The following LRRC20 variants were observed in gnomAD, a reference collection of about 807,000 sequenced individuals.
LRRC20 encodes leucine rich repeat containing 20.
In LRRC20, 11 loss-of-function variants were observed where a neutral mutation model predicts 14.4. That is an observed-to-expected ratio of 0.77 (90% CI 0.48 to 1.27). The LOEUF is 1.27. LRRC20 is among the 50% of genes most tolerant of loss of function. The probability of loss-of-function intolerance (pLI) is 0.00; values close to 1 mark genes in which losing one functional copy is unlikely to be tolerated. For missense variants in LRRC20, 219 were observed against 251.2 expected (o/e 0.87, Z 0.87); for synonymous variants, 121 against 107.3 (o/e 1.13, Z -0.79).
chr10:70,359,634 T>C (rs1843648347), intron 2 of LRRC20, among the ~76,000 whole-genome samples: 1 of 152,254 alleles, frequency 6.6e-6, no homozygotes, highest in Middle Eastern at 3.2e-3. Flanking sequence ...CCTCCCTTTC[T>C]AGATATCCCT....
rs776057005 is a variant in LRRC20 at position 70,323,858 on chromosome 10, C to T, written c.400+5G>A. 6.2e-7 allele frequency: 1 copy of T among 1,614,052 alleles called. No homozygotes were observed. The highest frequency in any genetic ancestry group is 8.5e-7 in the Non-Finnish European group (1 of 1,179,976). The stretch of plus-strand genomic sequence containing the variant: ...CCCAGGGCCAGGTGGGCCAGGCCCA[C>T]TCACCTACGATCTCGTTCTCCTCCA... On this transcript the variant is annotated splice_donor_5th_base_variant and intron_variant, in intron 4 of 4. Transcript: ENST00000446961.
intron 3 of LRRC20, among the ~76,000 whole-genome samples, chr10:70,338,191 A>G (rs1842780258): frequency 6.6e-6 from 1 of 152,160 alleles, no homozygotes; most frequent in Admixed American, 6.5e-5. Flanking sequence ...TATGTAGACT[A>G]ATCCCTCCTC....
At position 70,367,328 on chromosome 10, in the gene LRRC20, C is replaced by CAAAAA. The variant is rs71472959; in HGVS notation, c.82+9119_82+9123dup. On this transcript the variant is annotated intron_variant, in intron 2 of 4. Transcript: ENST00000446961. ...TGGGCAAAAGAGTGAGACCCGGTCTCAAAAAAAAAAAAAAAGAAAGAAAAG... is the reference window on the plus strand; with the variant it reads ...TGGGCAAAAGAGTGAGACCCGGTCTCAAAAAAAAAAAAAAAAAAAAGAAAGAAAAG... Among the ~76,000 whole-genome samples the CAAAAA allele has an allele frequency of 3.9e-3, 461 of 117,088 alleles. 8 individuals carry two copies. The highest frequency in any genetic ancestry group is 7.3e-3 in the African/African-American group (226 of 30,958). 76.8% of individuals were successfully genotyped at this position (117,088 alleles called of 152,430 possible). A position where few individuals can be genotyped will look rare whatever the true frequency, so the allele number is the denominator to read the frequency against.
At chr10:70,361,487 G>T (rs994419686) in intron 2 of LRRC20, among the ~76,000 whole-genome samples, 1 of 152,228 alleles carries the variant, frequency 6.6e-6, no homozygotes, top group Non-Finnish European at 1.5e-5. Flanking sequence ...CCTCACTAGG[G>T]TGATCAGGAA....
intron 1 of LRRC20, among the ~76,000 whole-genome samples, chr10:70,378,265 C>T (rs1452499493): frequency 1.3e-5 from 2 of 152,138 alleles, no homozygotes; most frequent in Non-Finnish European, 2.9e-5. Flanking sequence ...CCTCTTATTG[C>T]CTCAGTGTTC....
At chr10:70,362,832 A>C (rs1401604861) in intron 2 of LRRC20, among the ~76,000 whole-genome samples, 1 of 152,234 alleles carries the variant, frequency 6.6e-6, no homozygotes, top group East Asian at 1.9e-4. Flanking sequence ...TAGTGTTATC[A>C]ACTGAATGTA....
intron 4 of LRRC20, among the ~76,000 whole-genome samples, chr10:70,313,880 C>G (rs1376994318): frequency 6.6e-6 from 1 of 152,172 alleles, no homozygotes; most frequent in Non-Finnish European, 1.5e-5. Flanking sequence ...CTGGCACCAC[C>G]TGGACCGGTA....
chr10:70,344,118 G>A (rs761423598), intron 2 of LRRC20, among the ~76,000 whole-genome samples: 20 of 151,972 alleles, frequency 1.3e-4, no homozygotes, highest in Non-Finnish European at 1.9e-4. Context: ...GAAGAAGATC[G>A]CTTGAACCCA....
chr10:70,322,879 G>A (rs889380842), intron 4 of LRRC20, among the ~76,000 whole-genome samples: 14 of 151,952 alleles, frequency 9.2e-5, no homozygotes, highest in African/African-American at 3.4e-4. Context: ...AGTCCTGCCT[G>A]TGGCACCGCT....
At chr10:70,380,257 C>A (rs1844656370) in intron 1 of LRRC20, among the ~76,000 whole-genome samples, 1 of 152,174 alleles carries the variant, frequency 6.6e-6, no homozygotes, top group Non-Finnish European at 1.5e-5. Context: ...GGAAGAAGGG[C>A]CCCTTCCTTC....
intron 3 of LRRC20, among the ~76,000 whole-genome samples, chr10:70,329,695 G>A (rs1243214083): frequency 1.3e-5 from 2 of 151,802 alleles, no homozygotes; most frequent in African/African-American, 2.4e-5. Flanking sequence ...CCGAGTAGCT[G>A]GGATTACAGG....
chr10:70,314,379 A>G (rs1841782427), intron 4 of LRRC20, among the ~76,000 whole-genome samples: 1 of 152,210 alleles, frequency 6.6e-6, no homozygotes, highest in South Asian at 2.1e-4. Context: ...ACTATCCTTG[A>G]AAAATTCTAA....
intron 3 of LRRC20, among the ~76,000 whole-genome samples, chr10:70,339,947 C>A (rs182454687): frequency 2.0e-5 from 3 of 151,914 alleles, no homozygotes; most frequent in African/African-American, 7.2e-5. Flanking sequence ...ATGGTAAAAC[C>A]CCACCTCTAT....
intron 4 of LRRC20, among the ~76,000 whole-genome samples, chr10:70,320,008 C>G (rs892291949): frequency 2.6e-5 from 4 of 152,088 alleles, no homozygotes; most frequent in African/African-American, 9.7e-5. Context: ...TTCACCTGAA[C>G]CGGGCCCAGA....
At chr10:70,347,717 G>A (rs930706384) in intron 2 of LRRC20, among the ~76,000 whole-genome samples, 11 of 151,772 alleles carry the variant, frequency 7.2e-5, no homozygotes, top group African/African-American at 2.2e-4. Flanking sequence ...TACTTGGGGG[G>A]CTGAGGTGGG....
intron 2 of LRRC20, among the ~76,000 whole-genome samples, chr10:70,361,437 T>C (rs933323391): frequency 1.3e-5 from 2 of 152,060 alleles, no homozygotes; most frequent in Non-Finnish European, 2.9e-5. Context: ...CAAAACGGTA[T>C]AATGGGAGAG....
intron 2 of LRRC20, among the ~76,000 whole-genome samples, chr10:70,343,645 T>C (rs540399034): frequency 1.3e-5 from 2 of 152,276 alleles, no homozygotes; most frequent in East Asian, 1.9e-4. Context: ...GGCTCAGAGT[T>C]TGGGGCAACC....
intron 2 of LRRC20, among the ~76,000 whole-genome samples, chr10:70,343,070 A>T (rs1842970897): frequency 6.6e-6 from 1 of 152,214 alleles, no homozygotes; most frequent in Non-Finnish European, 1.5e-5. Flanking sequence ...ATCACAATTG[A>T]AGCCTTTCTC....
At chr10:70,363,316 A>G (rs1382709938) in intron 2 of LRRC20, among the ~76,000 whole-genome samples, 1 of 151,926 alleles carries the variant, frequency 6.6e-6, no homozygotes, top group African/African-American at 2.4e-5. Context: ...GAAGGAAGGA[A>G]GGAAAAAGAG....
Sources: allele counts gnomAD v4.1 joint callset (sites outside exome capture counted in the v4.1 genomes callset), GRCh38; gene constraint gnomAD v4.1.1; transcripts MANE v1.5; gene names NCBI Gene and HGNC (gene_info 2026-07-23, HGNC 2026-07-21).